The following STK24 variants were observed in gnomAD, a reference collection of about 807,000 sequenced individuals.
STK24 encodes serine/threonine-protein kinase 24.
Under a neutral mutation model 55.6 loss-of-function variants are expected in STK24, and 21 were observed. That is an observed-to-expected ratio of 0.38 (90% CI 0.27 to 0.54). The LOEUF (loss-of-function observed/expected upper bound fraction) is 0.54, where lower values mean the gene tolerates loss of function less well. Among genes scored for constraint, STK24 ranks in the 20% least tolerant of loss-of-function variants. STK24 has a pLI of 0.79. For synonymous variants in STK24, 200 were observed against 215.2 expected (o/e 0.93, Z 0.62); for missense variants, 383 against 538.4 (o/e 0.71, Z 2.86).
At chr13:98,538,150 T>C (rs1896786933) in intron 1 of STK24, among the ~76,000 whole-genome samples, 1 of 151,224 alleles carries the variant, frequency 6.6e-6, no homozygotes, top group African/African-American at 2.4e-5. Flanking sequence ...CCAAGAACCA[T>C]GCTAAGCTTC....
In STK24 at chr13:98,464,495, C is replaced by CT. The variant is rs551373383; in HGVS notation, c.784-660dup. 7.5e-3 allele frequency among the ~76,000 whole-genome samples: 803 copies of CT among 106,794 alleles called. 7 individuals are homozygous for CT. Among genetic ancestry groups the CT allele is most frequent in the East Asian group, 0.036 (128 of 3,526 alleles). The allele number at this position is 106,794 out of a possible 152,430, so 70.1% of individuals were successfully genotyped here. A position where few individuals can be genotyped will look rare whatever the true frequency, so the allele number is the denominator to read the frequency against. On this transcript the variant is annotated intron_variant, in intron 6 of 10. Coordinates refer to ENST00000539966, the MANE Select transcript of STK24 (RefSeq NM_001032296.4). Reference sequence around the variant, plus strand: ...AAAATATATGTTCTGTGTTGTTTAACTTTTTTTTTTTTTTTTTTTTGAGAC... The same window carrying CT: ...AAAATATATGTTCTGTGTTGTTTAACTTTTTTTTTTTTTTTTTTTTTGAGAC...
chr13:98,523,826 A>C (rs1468395573), intron 1 of STK24, among the ~76,000 whole-genome samples: 1 of 152,238 alleles, frequency 6.6e-6, no homozygotes, highest in Non-Finnish European at 1.5e-5. Context: ...ACAATAGGCA[A>C]CTAATACAGA....
At chr13:98,465,035 A>C (rs1423629113) in intron 6 of STK24, among the ~76,000 whole-genome samples, 1 of 152,106 alleles carries the variant, frequency 6.6e-6, no homozygotes, top group East Asian at 1.9e-4. Flanking sequence ...CCCTGGGCTC[A>C]GCATGGCCAC....
intron 2 of STK24, among the ~76,000 whole-genome samples, chr13:98,509,199 C>T (rs1895793088): frequency 6.6e-6 from 1 of 152,058 alleles, no homozygotes; most frequent in African/African-American, 2.4e-5. Context: ...TGGTTAAGAA[C>T]ATACATAGAT....
chr13:98,517,676 G>T (rs1239927569), intron 2 of STK24, among the ~76,000 whole-genome samples: 2 of 152,094 alleles, frequency 1.3e-5, no homozygotes, highest in African/African-American at 4.8e-5. Flanking sequence ...TTCCCCCACG[G>T]AAGTCACATG....
chr13:98,446,800 C>G lies in STK24; in HGVS notation c.*6373G>C, dbSNP rs1376770800. The stretch of plus-strand genomic sequence containing the variant: ...ACGTCTACTACTTCAGGGCGGAAAG[C>G]GAGTACACGTTCGAAAGGTAGACAC... On this transcript the variant is annotated 3_prime_UTR_variant, in exon 11 of 11. Coordinates refer to ENST00000539966, the MANE Select transcript of STK24 (RefSeq NM_001032296.4). 1.9e-5 allele frequency: 31 copies of G among 1,613,980 alleles called. No homozygotes were observed. Among genetic ancestry groups the G allele is most frequent in the Non-Finnish European group, 2.6e-5 (31 of 1,180,004 alleles).
intron 1 of STK24, among the ~76,000 whole-genome samples, chr13:98,544,681 A>G (rs1472609546): frequency 6.6e-6 from 1 of 152,246 alleles, no homozygotes; most frequent in Non-Finnish European, 1.5e-5. Flanking sequence ...ACGCCTCTAC[A>G]AGGAAAGACA....
At chr13:98,556,840 C>CAAGA (rs1363090119) in intron 1 of STK24, among the ~76,000 whole-genome samples, 1 of 152,198 alleles carries the variant, frequency 6.6e-6, no homozygotes, top group African/African-American at 2.4e-5. Context: ...CTAAACTGGA[C>CAAGA]AAGAGATGCA....
intron 2 of STK24, among the ~76,000 whole-genome samples, chr13:98,490,706 C>T (rs531620190): frequency 3.8e-4 from 58 of 152,054 alleles, no homozygotes; most frequent in Admixed American, 3.5e-3. Flanking sequence ...TTGGAGAAAA[C>T]CCGGATTGGA....
chr13:98,515,927 T>C (rs1402556674), intron 2 of STK24, among the ~76,000 whole-genome samples: 3 of 152,196 alleles, frequency 2.0e-5, no homozygotes, highest in African/African-American at 7.2e-5. Context: ...GGGAGTGTTT[T>C]AAAATGACAG....
intron 1 of STK24, among the ~76,000 whole-genome samples, chr13:98,571,307 ACG>A (rs1196316045): frequency 6.6e-6 from 1 of 152,174 alleles, no homozygotes; most frequent in African/African-American, 2.4e-5. Flanking sequence ...GCTCAGCTCT[ACG>A]CATCAGACCG....
rs77357255 is a variant in STK24, at chr13:98,447,944, C to T, written c.*5229G>A. 2,860 of 448,066 alleles carry T rather than the reference C, an allele frequency of 6.4e-3. 58 individuals carry two copies. The highest frequency in any genetic ancestry group is 0.05 in the African/African-American group (2,488 of 49,702). 27.8% of individuals were successfully genotyped at this position (448,066 alleles called of 1,614,324 possible). On this transcript the variant is annotated 3_prime_UTR_variant, in exon 11 of 11. Coordinates refer to ENST00000539966, the MANE Select transcript of STK24 (RefSeq NM_001032296.4). ...CCATGTCCATGAAAATAGGAGGTAG[C>T]GTTCTCCCCAGCAACCAGAGGCCAC...
intron 1 of STK24, among the ~76,000 whole-genome samples, chr13:98,521,183 C>T (rs902604017): frequency 6.6e-6 from 1 of 152,200 alleles, no homozygotes; most frequent in Non-Finnish European, 1.5e-5. Flanking sequence ...ACACAAACAT[C>T]CACTGTGTTA....
rs367578991 is a variant in STK24 at position 98,521,897 on chromosome 13, G to A, written c.43-2424C>T. On this transcript the variant is annotated intron_variant, in intron 1 of 10. Transcript: ENST00000539966. Reference sequence around the variant, plus strand: ...AGGCTTCGTCAGTAACCCCCTTCTCGCTCCTTCTTCCATTCACCCCTCTCT... The same window carrying A: ...AGGCTTCGTCAGTAACCCCCTTCTCACTCCTTCTTCCATTCACCCCTCTCT... The A allele has an allele frequency of 1.3e-3, 1,207 of 921,260 alleles. 2 individuals are homozygous for A. Among genetic ancestry groups the A allele is most frequent in the Admixed American group, 1.7e-3 (98 of 58,656 alleles). 57.1% of individuals were successfully genotyped at this position (921,260 alleles called of 1,614,324 possible).
rs1896173354 is a variant in STK24, at chr13:98,519,173, C to T, written c.273+70G>A. The T allele has an allele frequency of 3.2e-6, 4 of 1,259,068 alleles. No homozygotes were observed. In the South Asian group the frequency reaches 5.0e-5, roughly 16 times the overall value. The allele number at this position is 1,259,068 out of a possible 1,614,324, so 78.0% of individuals were successfully genotyped here. ...CTGCTGTGCTTTGTCCTATCAGAGT[C>T]CTTCCCATTCCCTGCTGGCACCTCA... On this transcript the variant is annotated intron_variant, in intron 2 of 10. Coordinates refer to ENST00000539966, the MANE Select transcript of STK24 (RefSeq NM_001032296.4).
chr13:98,520,958 T>C (rs1243866415), intron 1 of STK24, among the ~76,000 whole-genome samples: 2 of 152,172 alleles, frequency 1.3e-5, no homozygotes, highest in Non-Finnish European at 2.9e-5. Context: ...CCAACCATCT[T>C]AGTACAAAAT....
intron 8 of STK24, among the ~76,000 whole-genome samples, chr13:98,461,512 C>T (rs1009482648): frequency 1.1e-4 from 16 of 152,304 alleles, no homozygotes; most frequent in African/African-American, 3.4e-4. Flanking sequence ...ATTGCCACAT[C>T]GGGACATCCT....
At chr13:98,552,074 C>G (rs903184971) in intron 1 of STK24, among the ~76,000 whole-genome samples, 12 of 152,338 alleles carry the variant, frequency 7.9e-5, no homozygotes, top group African/African-American at 2.2e-4. Context: ...AAGGGAACCA[C>G]AGAATCCTTC....
intron 2 of STK24, among the ~76,000 whole-genome samples, chr13:98,494,867 C>A (rs1336924167): frequency 6.6e-6 from 1 of 152,210 alleles, no homozygotes; most frequent in Non-Finnish European, 1.5e-5. Flanking sequence ...AAACACCCAG[C>A]TAAAGGCCCA....
Sources: gnomAD v4.1 joint callset for allele counts (sites outside exome capture counted in the v4.1 genomes callset) on GRCh38, gnomAD v4.1.1 for gene constraint, MANE v1.5 for transcripts, NCBI Gene and HGNC (gene_info 2026-07-23, HGNC 2026-07-21) for gene names.